KIF6: variants seen among roughly 807,000 people sequenced by gnomAD.
KIF6 encodes the protein kinesin-like protein KIF6.
A neutral mutation model predicts 112.7 loss-of-function variants in KIF6; 106 were observed. The ratio of observed to expected loss-of-function variants is 0.94; its 90% CI spans 0.80 to 1.11. The LOEUF is 1.11. Ranked by LOEUF, KIF6 falls within the 50% of genes least tolerant of loss-of-function variation. The pLI is 0.00. For synonymous variants in KIF6, 339 were observed against 339.9 expected, an observed-to-expected ratio of 1.00 and a Z score of 0.03; for missense variants, 929 against 964.0, an observed-to-expected ratio of 0.96 and a Z score of 0.48.
At chr6:39,713,839 C>G (rs535074537) in intron 3 of KIF6, among the ~76,000 whole-genome samples, 1 of 152,254 alleles carries the variant, frequency 6.6e-6, no homozygotes, top group South Asian at 2.1e-4. Context: ...ATTCATAAAA[C>G]AGGAGTTTGA....
At chr6:39,566,911 C>T (rs1207546295) in intron 10 of KIF6, among the ~76,000 whole-genome samples, 1 of 152,072 alleles carries the variant, frequency 6.6e-6, no homozygotes, top group Non-Finnish European at 1.5e-5. Context: ...TTAAGAATGA[C>T]CTTTAATTTT....
chr6:39,343,334 G>T lies in KIF6; in HGVS notation c.2428+375C>A. The T allele has an allele frequency of 1.5e-6, 2 of 1,299,074 alleles. No homozygotes were observed. Among genetic ancestry groups the T allele is most frequent in the Middle Eastern group, 2.1e-4 (1 of 4,748 alleles). The allele number at this position is 1,299,074 out of a possible 1,614,324, so 80.5% of individuals were successfully genotyped here. On this transcript the variant is annotated intron_variant, in intron 22 of 22. Transcript: ENST00000287152. The surrounding 1 kb of genome is among the most constrained non-coding windows in gnomAD (Gnocchi z 4.1). ...AGGGGAGTGAGACTTTAAGCCAGGG[G>T]TTCAACGAGTTACCAAAACATCACT...
At chr6:39,463,787 T>C (rs1773624347) in intron 13 of KIF6, among the ~76,000 whole-genome samples, 1 of 152,188 alleles carries the variant, frequency 6.6e-6, no homozygotes, top group African/African-American at 2.4e-5. Flanking sequence ...TCTTGGACCC[T>C]TTGGATGCTG....
Position 39,364,657 on chromosome 6 carries a change from T to C in KIF6, c.1862-2139A>G, listed in dbSNP as rs527475015. ...ACTGGGGACTTTCTATGTTCTAAGTTCTGCCAAATTCTACTAGGCACTGGG... is the reference window on the plus strand; with the variant it reads ...ACTGGGGACTTTCTATGTTCTAAGTCCTGCCAAATTCTACTAGGCACTGGG... On this transcript the variant is annotated intron_variant, in intron 16 of 22. Transcript: ENST00000287152. Among the ~76,000 whole-genome samples, 3 of 152,210 alleles carry C rather than the reference T, an allele frequency of 2.0e-5. No homozygotes were observed. The East Asian group carries it at 5.8e-4, about 29-fold the overall frequency.
intron 19 of KIF6, among the ~76,000 whole-genome samples, chr6:39,347,767 G>A (rs985439003): frequency 1.2e-4 from 18 of 152,192 alleles, no homozygotes; most frequent in African/African-American, 4.3e-4. Context: ...TCACTCATGA[G>A]TATGGCCCCT....
chr6:39,700,297 T>C (rs1170646168), intron 3 of KIF6, among the ~76,000 whole-genome samples: 1 of 152,246 alleles, frequency 6.6e-6, no homozygotes, highest in Non-Finnish European at 1.5e-5. Flanking sequence ...ATCTTTCAGT[T>C]GATCTCAGTT....
chr6:39,337,723 A>G (rs1027707006), intron 22 of KIF6, among the ~76,000 whole-genome samples: 1 of 152,062 alleles, frequency 6.6e-6, no homozygotes, highest in African/African-American at 2.4e-5. Flanking sequence ...TGTGGCCCCT[A>G]TCCTGTCATC....
At chr6:39,649,612 T>A (rs560768819) in intron 3 of KIF6, among the ~76,000 whole-genome samples, 2 of 152,258 alleles carry the variant, frequency 1.3e-5, no homozygotes, top group Admixed American at 1.3e-4. Context: ...CACCACTCCA[T>A]CTGGCCCTCA....
rs917387964 is a variant in KIF6 at position 39,333,561 on chromosome 6, C to G, written c.*2971G>C. The G allele has an allele frequency of 6.6e-6, 1 of 152,262 alleles. No individual in the cohort carries two copies. The highest frequency in any genetic ancestry group is 1.5e-5 in the Non-Finnish European group (1 of 68,064). 9.4% of individuals were successfully genotyped at this position (152,262 alleles called of 1,614,324 possible). A position where few individuals can be genotyped will look rare whatever the true frequency, so the allele number is the denominator to read the frequency against. ...CAAGCTCAACCATGAGAGCACAATT[C>G]AAGCCTCTGCCTGGATCAGGTTTGC... is the stretch of plus-strand genomic sequence containing the variant. On this transcript the variant is annotated 3_prime_UTR_variant, in exon 23 of 23. Coordinates refer to ENST00000287152, the MANE Select transcript of KIF6 (RefSeq NM_145027.6).
chr6:39,465,761 A>G (rs1422164469), intron 13 of KIF6, among the ~76,000 whole-genome samples: 3 of 152,238 alleles, frequency 2.0e-5, no homozygotes, highest in Non-Finnish European at 4.4e-5. Context: ...CATAAAGGGT[A>G]CATTGTGTTC....
At chr6:39,518,590 T>C (rs1025108848) in intron 13 of KIF6, among the ~76,000 whole-genome samples, 3 of 152,236 alleles carry the variant, frequency 2.0e-5, no homozygotes, top group Admixed American at 6.5e-5. Flanking sequence ...GGGTGTTAGT[T>C]TGTGATCACA....
chr6:39,365,594 C>T (rs141955187), intron 16 of KIF6, among the ~76,000 whole-genome samples: 29 of 152,304 alleles, frequency 1.9e-4, no homozygotes, highest in African/African-American at 7.0e-4. Flanking sequence ...AATATGAAAC[C>T]GACAATGGTA....
chr6:39,698,065 G>T (rs1333904172), intron 3 of KIF6, among the ~76,000 whole-genome samples: 1 of 152,148 alleles, frequency 6.6e-6, no homozygotes, highest in Non-Finnish European at 1.5e-5. Context: ...ATAGATATGA[G>T]ACTATTGCCA....
chr6:39,524,205 A>C (rs183019377), intron 13 of KIF6, among the ~76,000 whole-genome samples: 1 of 152,104 alleles, frequency 6.6e-6, no homozygotes, highest in East Asian at 1.9e-4. Context: ...AAAGAGAGGG[A>C]CCTTCTGTTC....
intron 13 of KIF6, among the ~76,000 whole-genome samples, chr6:39,454,653 G>A (rs1332849000): frequency 6.6e-6 from 1 of 152,270 alleles, no homozygotes; most frequent in Admixed American, 6.5e-5. Flanking sequence ...GCGCAGGCCA[G>A]TGGGTGCGCA....
chr6:39,373,549 G>T (rs1208599716), intron 16 of KIF6, among the ~76,000 whole-genome samples: 2 of 152,010 alleles, frequency 1.3e-5, no homozygotes, highest in Admixed American at 1.3e-4. Context: ...GCATATAAAA[G>T]CCAGTAGCAT....
intron 10 of KIF6, 102 bp from the exon 11 acceptor site, chr6:39,545,790 C>T (rs1196245797): frequency 4.4e-6 from 3 of 679,610 alleles, no homozygotes; most frequent in Non-Finnish European, 7.7e-6. Context: ...GAATATTGTT[C>T]CCACCTCTTT....
At chr6:39,507,250 T>C (rs1776473497) in intron 13 of KIF6, among the ~76,000 whole-genome samples, 1 of 152,166 alleles carries the variant, frequency 6.6e-6, no homozygotes, top group Admixed American at 6.5e-5. Context: ...CAGAATTGAA[T>C]TAAATGTAGG....
At chr6:39,431,349 C>T in intron 13 of KIF6, 188 bp from the exon 14 acceptor site, 1 of 566,406 alleles carries the variant, frequency 1.8e-6, no homozygotes, top group Non-Finnish European at 3.2e-6. Context: ...CCTTCCAGTG[C>T]CACCCGCTGC....
Sources: gnomAD v4.1 joint callset for allele counts (sites outside exome capture counted in the v4.1 genomes callset) on GRCh38, gnomAD v4.1.1 for gene constraint, Gnocchi (gnomAD v3.1) non-coding constraint, MANE v1.5 for transcripts, NCBI Gene and HGNC (gene_info 2026-07-23, HGNC 2026-07-21) for gene names.